TLN2: variants seen among roughly 807,000 people sequenced by gnomAD.
The protein encoded by TLN2 is talin 2.
A neutral mutation model predicts 294.7 loss-of-function variants in TLN2; 118 were observed. The observed-to-expected ratio is 0.40, with a 90% confidence interval of 0.34 to 0.47. The LOEUF is 0.47. Among genes scored for constraint, TLN2 ranks in the 20% least tolerant of loss-of-function variants. TLN2 has a pLI of 0.84. For synonymous variants in TLN2, 1,431 were observed against 1,304.5 expected (o/e 1.10, Z -2.09); for missense variants, 3,083 against 3,282.2 (o/e 0.94, Z 1.48).
chr15:62,663,668 C>G (rs536886139), intron 9 of TLN2, among the ~76,000 whole-genome samples: 64 of 151,934 alleles, frequency 4.2e-4, no homozygotes, highest in African/African-American at 1.4e-3. Flanking sequence ...AGGGAGTTAC[C>G]TTTTATAGTA....
chr15:62,481,691 A>G (rs1273098501), intron 1 of TLN2, among the ~76,000 whole-genome samples: 1 of 152,092 alleles, frequency 6.6e-6, no homozygotes, highest in Non-Finnish European at 1.5e-5. Flanking sequence ...AATGAAAATA[A>G]TATTGTTTTT....
chr15:62,777,835 T>C (rs769727028), intron 43 of TLN2, among the ~76,000 whole-genome samples: 6 of 152,212 alleles, frequency 3.9e-5, no homozygotes, highest in Non-Finnish European at 7.3e-5. Context: ...TAGGGTGACA[T>C]GACTGGAGAC....
intron 31 of TLN2, among the ~76,000 whole-genome samples, chr15:62,739,976 A>G (rs576137825): frequency 2.4e-4 from 37 of 152,018 alleles, no homozygotes; most frequent in Non-Finnish European, 4.9e-4. Context: ...CTTCAGATGA[A>G]CAGATAAACC....
At chr15:62,463,993 C>A (rs879694454) in intron 1 of TLN2, among the ~76,000 whole-genome samples, 36 of 152,182 alleles carry the variant, frequency 2.4e-4, no homozygotes, top group African/African-American at 8.2e-4. Context: ...GAAATTAGTT[C>A]AACCATTGTG....
chr15:62,566,706 C>T (rs1249282295), intron 1 of TLN2, among the ~76,000 whole-genome samples: 1 of 151,448 alleles, frequency 6.6e-6, no homozygotes, highest in African/African-American at 2.4e-5. Context: ...TCACTGCAGC[C>T]CCAAACTCCT....
chr15:62,581,332 T>G (rs532668532), intron 1 of TLN2, among the ~76,000 whole-genome samples: 139 of 152,316 alleles, frequency 9.1e-4, no homozygotes, highest in African/African-American at 3.0e-3. Context: ...TTGATAGCGC[T>G]TTTCTTTTTA....
chr15:62,608,927 A>G (rs529681017), intron 2 of TLN2, among the ~76,000 whole-genome samples: 21 of 152,160 alleles, frequency 1.4e-4, no homozygotes, highest in African/African-American at 5.1e-4. Context: ...GACAGAAGTC[A>G]GAGGAGGGAT....
At chr15:62,703,323 G>GA (rs2058834089) in intron 19 of TLN2, among the ~76,000 whole-genome samples, 2 of 151,930 alleles carry the variant, frequency 1.3e-5, no homozygotes, top group African/African-American at 4.8e-5. Flanking sequence ...GGCTGGTCTC[G>GA]AACTTTGACC....
chr15:62,454,423 G>A (rs2036340480), intron 1 of TLN2, among the ~76,000 whole-genome samples: 1 of 152,114 alleles, frequency 6.6e-6, no homozygotes, highest in Non-Finnish European at 1.5e-5. Context: ...GGTCTGGTTG[G>A]GGCTTGGATG....
intron 37 of TLN2, among the ~76,000 whole-genome samples, chr15:62,755,894 T>A (rs1443612699): frequency 6.6e-6 from 1 of 152,240 alleles, no homozygotes; most frequent in Non-Finnish European, 1.5e-5. Flanking sequence ...TGGGCTCTAC[T>A]AACCTTTTAG....
intron 12 of TLN2, among the ~76,000 whole-genome samples, chr15:62,689,062 C>T (rs1348742774): frequency 1.2e-4 from 17 of 139,934 alleles, no homozygotes; most frequent in Non-Finnish European, 2.1e-4. Flanking sequence ...CTTTATTTCT[C>T]TCTCTCTTTT....
Position 62,809,986 on chromosome 15 carries a change from C to T in TLN2, c.6725C>T (p.Thr2242Met), listed in dbSNP as rs752234300. The T allele has an allele frequency of 1.6e-5, 26 of 1,613,914 alleles. No individual in the cohort carries two copies. The highest frequency in any genetic ancestry group is 5.0e-5 in the Admixed American group (3 of 59,994). ...EVRTRALRFGTECTLGYLDLL... is the reference protein window; with the variant it reads ...EVRTRALRFGMECTLGYLDLL... Reference sequence around the variant, plus strand: ...AGAACCAGAGCCTTGCGTTTCGGGACGGAGTGCACCCTTGGCTACTTGGAC... The same window carrying T: ...AGAACCAGAGCCTTGCGTTTCGGGATGGAGTGCACCCTTGGCTACTTGGAC... Residue 2242 changes from threonine (T) to methionine (M), a missense_variant, in exon 52 of 59, where the codon ACG becomes ATG. Thr to Met is a moderately conservative substitution (Grantham distance 81). Coordinates refer to ENST00000636159, the MANE Select transcript of TLN2 (RefSeq NM_015059.3).
intron 1 of TLN2, among the ~76,000 whole-genome samples, chr15:62,551,796 C>T (rs145868391): frequency 6.4e-4 from 98 of 152,334 alleles, no homozygotes; most frequent in Admixed American, 5.0e-3. Context: ...CAAAAAGTCA[C>T]ACTTTTCAGT....
chr15:62,688,257 ATT>A (rs1025042201), intron 12 of TLN2, among the ~76,000 whole-genome samples: 34 of 152,098 alleles, frequency 2.2e-4, no homozygotes, highest in African/African-American at 8.0e-4. Flanking sequence ...ATACGTAGTG[ATT>A]TTTTCCTTCC....
intron 46 of TLN2, among the ~76,000 whole-genome samples, chr15:62,794,185 C>T (rs1018558285): frequency 7.2e-5 from 11 of 152,292 alleles, no homozygotes; most frequent in Admixed American, 5.9e-4. Context: ...TGGCCTCGGC[C>T]GCTACCTGTC....
Position 62,549,030 on chromosome 15 carries a change from A to G in TLN2, c.-237-40657A>G, listed in dbSNP as rs1257536834. On this transcript the variant is annotated intron_variant, in intron 1 of 58. Coordinates refer to ENST00000636159, the MANE Select transcript of TLN2 (RefSeq NM_015059.3). Reference sequence around the variant, plus strand: ...TTAACTATATCTGCTTATGCCCAGAAAAGTTCTTTGGTAGCTAGTTTGCTT... The same window carrying G: ...TTAACTATATCTGCTTATGCCCAGAGAAGTTCTTTGGTAGCTAGTTTGCTT... Among the ~76,000 whole-genome samples, 5 of 152,288 alleles carry G rather than the reference A, an allele frequency of 3.3e-5. No homozygotes were observed. In the South Asian group the frequency reaches 1.0e-3, roughly 32 times the overall value.
At chr15:62,551,497 C>T (rs2042302657) in intron 1 of TLN2, among the ~76,000 whole-genome samples, 1 of 146,244 alleles carries the variant, frequency 6.8e-6, no homozygotes, top group Middle Eastern at 3.4e-3. Context: ...TAGTGAAAGC[C>T]AATCTCTACT....
At chr15:62,615,969 G>T (rs977041951) in intron 2 of TLN2, among the ~76,000 whole-genome samples, 1 of 151,902 alleles carries the variant, frequency 6.6e-6, no homozygotes, top group Non-Finnish European at 1.5e-5. Context: ...CTGTTTCCTC[G>T]CCGTTTGTAT....
At chr15:62,440,765 A>G (rs2035506625) in intron 1 of TLN2, among the ~76,000 whole-genome samples, 2 of 152,212 alleles carry the variant, frequency 1.3e-5, no homozygotes, top group Admixed American at 6.5e-5. Flanking sequence ...AGCATGTGAT[A>G]CCAGTGTACA....
Sources: gnomAD v4.1 joint callset for allele counts (sites outside exome capture counted in the v4.1 genomes callset) on GRCh38, gnomAD v4.1.1 for gene constraint, MANE v1.5 for transcripts, NCBI Gene and HGNC (gene_info 2026-07-23, HGNC 2026-07-21) for gene names.